CARMIL1: variants seen among roughly 807,000 people sequenced by gnomAD.
The protein encoded by CARMIL1 is F-actin-uncapping protein LRRC16A.
In CARMIL1, 90 loss-of-function variants were observed where a neutral mutation model predicts 177.1. The observed-to-expected ratio is 0.51, with a 90% confidence interval of 0.43 to 0.61. The LOEUF (loss-of-function observed/expected upper bound fraction) is 0.61. Among genes scored for constraint, CARMIL1 ranks in the 20% least tolerant of loss-of-function variants. CARMIL1 has a pLI of 0.00. For synonymous variants in CARMIL1, 577 were observed against 606.2 expected, an observed-to-expected ratio of 0.95 and a Z score of 0.71; for missense variants, 1,380 against 1,667.0, an observed-to-expected ratio of 0.83 and a Z score of 3.00.
intron 8 of CARMIL1, among the ~76,000 whole-genome samples, chr6:25,457,408 G>A (rs1799635858): frequency 6.6e-6 from 1 of 152,110 alleles, no homozygotes; most frequent in Non-Finnish European, 1.5e-5. Context: ...CCTCATCTGG[G>A]AACTGTTTTA....
At chr6:25,551,934 A>T in intron 27 of CARMIL1, among the ~76,000 whole-genome samples, 1 of 152,176 alleles carries the variant, frequency 6.6e-6, no homozygotes, top group Non-Finnish European at 1.5e-5. Context: ...AATGAGCCCC[A>T]AATTATATTA....
intron 12 of CARMIL1, among the ~76,000 whole-genome samples, chr6:25,486,242 G>A (rs1009840814): frequency 7.2e-5 from 11 of 151,958 alleles, no homozygotes; most frequent in East Asian, 1.9e-4. Flanking sequence ...TCCACTCTTC[G>A]TGGGCTTATT....
intron 2 of CARMIL1, among the ~76,000 whole-genome samples, chr6:25,373,877 C>T (rs1016906239): frequency 2.1e-4 from 32 of 152,206 alleles, no homozygotes; most frequent in Admixed American, 1.1e-3. Flanking sequence ...CCACTGTGCC[C>T]GGCCTCCATT....
At position 25,299,423 on chromosome 6, in the gene CARMIL1, C is replaced by T. The variant is rs551739936; in HGVS notation, c.138+14514C>T. ...CTGACCTCAGGTGATCTGCCCGCCT[C>T]GGCCTCCCAAAGTGCTGGGATTACA... On this transcript the variant is annotated intron_variant, in intron 2 of 36. Coordinates refer to ENST00000329474, the MANE Select transcript of CARMIL1 (RefSeq NM_017640.6). Among the ~76,000 whole-genome samples the T allele has an allele frequency of 6.1e-4, 92 of 151,974 alleles. 2 individuals carry two copies. The South Asian group carries it at 0.014, about 23-fold the overall frequency.
intron 2 of CARMIL1, among the ~76,000 whole-genome samples, chr6:25,358,557 T>TAC (rs1399460251): frequency 1.3e-5 from 2 of 152,198 alleles, no homozygotes; most frequent in Non-Finnish European, 2.9e-5. Context: ...CTGTTATACT[T>TAC]AAACATTGCA....
intron 2 of CARMIL1, among the ~76,000 whole-genome samples, chr6:25,358,426 A>T (rs1788854086): frequency 6.6e-6 from 1 of 152,208 alleles, no homozygotes; most frequent in Non-Finnish European, 1.5e-5. Flanking sequence ...AGGTAGGAGA[A>T]GCATTACTTT....
At chr6:25,490,793 G>A (rs1315263767) in intron 13 of CARMIL1, among the ~76,000 whole-genome samples, 1 of 152,084 alleles carries the variant, frequency 6.6e-6, no homozygotes, top group East Asian at 1.9e-4. Flanking sequence ...TTATTTTAAA[G>A]TGTTAAGTGT....
chr6:25,467,026 TATGAGA>T (rs1800664811), intron 9 of CARMIL1, among the ~76,000 whole-genome samples: 3 of 152,218 alleles, frequency 2.0e-5, no homozygotes, highest in Admixed American at 2.0e-4. Flanking sequence ...ACCCAGTGCT[TATGAGA>T]ATGTGTGGCT....
chr6:25,612,780 C>G (rs1445086397), intron 36 of CARMIL1: 3 of 985,156 alleles, frequency 3.0e-6, no homozygotes, highest in Non-Finnish European at 3.6e-6. Context: ...CAGATCATGA[C>G]AGTGGCAAGC....
At chr6:25,451,986 G>GCCCTCCCCC in intron 8 of CARMIL1, 1 of 112,672 alleles carries the variant, frequency 8.9e-6, no homozygotes, top group Non-Finnish European at 1.7e-5. Context: ...CTAGCATCTT[G>GCCCTCCCCC]CCCCCCCCTC....
At chr6:25,607,510 TC>T (rs1273860479) in intron 35 of CARMIL1, among the ~76,000 whole-genome samples, 1 of 152,164 alleles carries the variant, frequency 6.6e-6, no homozygotes, top group East Asian at 1.9e-4. Context: ...GTTTGCCAAG[TC>T]ACGCAGCTGG....
At position 25,551,156 on chromosome 6, in the gene CARMIL1, G is replaced by T. The variant is rs1250856193; in HGVS notation, c.2504+71G>T. On this transcript the variant is annotated intron_variant, in intron 27 of 36. Transcript: ENST00000329474. ...ATGCAGTCGAGGCAGCTGTAAAGAG[G>T]GTTATTGTTGGCTGTATCCATATAT... 16 of 1,209,972 alleles carry T rather than the reference G, an allele frequency of 1.3e-5. No individual in the cohort carries two copies. The East Asian group carries it at 3.0e-4, about 23-fold the overall frequency. 75.0% of individuals were successfully genotyped at this position (1,209,972 alleles called of 1,614,324 possible).
intron 2 of CARMIL1, among the ~76,000 whole-genome samples, chr6:25,349,440 A>G (rs1275893682): frequency 1.3e-5 from 2 of 152,246 alleles, no homozygotes; most frequent in African/African-American, 4.8e-5. Context: ...TTTAAGGCAG[A>G]TAGACTGTTG....
chr6:25,587,406 AG>A (rs1407957984), intron 31 of CARMIL1, among the ~76,000 whole-genome samples: 2 of 151,950 alleles, frequency 1.3e-5, no homozygotes, highest in African/African-American at 4.9e-5. Context: ...GTCTGGACAG[AG>A]GCTTGTGGGT....
At chr6:25,392,372 T>G (rs1792947674) in intron 2 of CARMIL1, among the ~76,000 whole-genome samples, 1 of 152,310 alleles carries the variant, frequency 6.6e-6, no homozygotes. Flanking sequence ...CAAGCAAAAA[T>G]GTTTCTTCCT....
intron 2 of CARMIL1, among the ~76,000 whole-genome samples, chr6:25,334,950 C>T (rs1397708051): frequency 2.6e-5 from 4 of 152,166 alleles, no homozygotes; most frequent in Admixed American, 6.5e-5. Context: ...CCCTTCACAC[C>T]TCTTCTGTCA....
At chr6:25,573,320 G>GA (rs1042931505) in intron 29 of CARMIL1, among the ~76,000 whole-genome samples, 2 of 151,848 alleles carry the variant, frequency 1.3e-5, no homozygotes, top group Non-Finnish European at 2.9e-5. Flanking sequence ...TCATTAAAAT[G>GA]AAAAAAATTA....
chr6:25,421,477 G>A (rs1436422755), intron 3 of CARMIL1, among the ~76,000 whole-genome samples: 2 of 152,110 alleles, frequency 1.3e-5, no homozygotes, highest in African/African-American at 2.4e-5. Context: ...GATTCCTCAG[G>A]GATCTAGAAC....
intron 23 of CARMIL1, 118 bp from the exon 24 acceptor site, chr6:25,528,677 G>A (rs1034026769): frequency 1.2e-5 from 9 of 742,934 alleles, no homozygotes; most frequent in Non-Finnish European, 1.9e-5. Flanking sequence ...CAAAGCACTG[G>A]CAGGATGTGT....
Sources: allele counts gnomAD v4.1 joint callset (sites outside exome capture counted in the v4.1 genomes callset), GRCh38; gene constraint gnomAD v4.1.1; transcripts MANE v1.5; gene names NCBI Gene and HGNC (gene_info 2026-07-23, HGNC 2026-07-21).